Variants in POU6F1 observed in about 807,000 individuals in gnomAD.
POU6F1 encodes the protein POU class 6 homeobox 1.
POU6F1 carries 9 observed loss-of-function variants against 28.9 expected under a neutral mutation model. The ratio of observed to expected loss-of-function variants is 0.31; its 90% CI spans 0.19 to 0.54. The LOEUF is 0.54. Among genes scored for constraint, POU6F1 ranks in the 20% least tolerant of loss-of-function variants. POU6F1 has a pLI of 0.94. For missense variants in POU6F1, 338 were observed against 426.1 expected, an observed-to-expected ratio of 0.79 and a Z score of 1.82; for synonymous variants, 173 against 171.1, an observed-to-expected ratio of 1.01 and a Z score of -0.09.
chr12:51,214,653 T>G, intron 1 of POU6F1, among the ~76,000 whole-genome samples: 1 of 151,020 alleles, frequency 6.6e-6, no homozygotes, highest in Non-Finnish European at 1.5e-5. Flanking sequence ...AATAGGAGAG[T>G]AGAGTCAAGG....
In POU6F1 at chr12:51,190,079, T is replaced by G; in HGVS notation, c.*168A>C. The G allele has an allele frequency of 8.1e-7, 1 of 1,235,032 alleles. No individual in the cohort carries two copies. The highest frequency in any genetic ancestry group is 1.1e-6 in the Non-Finnish European group (1 of 915,342). 76.5% of individuals were successfully genotyped at this position (1,235,032 alleles called of 1,614,324 possible). ...TCTGGCCTCCCCATGATGTGAGATG[T>G]GTGGGAGAAAAGAGGGACATTGATG... is the stretch of plus-strand genomic sequence containing the variant. On this transcript the variant is annotated 3_prime_UTR_variant, in exon 11 of 11. Coordinates refer to ENST00000333640, the MANE Select transcript of POU6F1 (RefSeq NM_001330422.2). The surrounding 1 kb of genome is among the most constrained non-coding windows in gnomAD (Gnocchi z 4.5).
rs1352428003 is a variant in POU6F1 at position 51,189,721 on chromosome 12, C to G, written c.*526G>C. On this transcript the variant is annotated 3_prime_UTR_variant, in exon 11 of 11. Transcript: ENST00000333640. The stretch of plus-strand genomic sequence containing the variant: ...TCACACTTTTTTGAATTTTATCTCC[C>G]AGGTCCTTTCGGTGCACCTGCAGGC... 6.1e-6 allele frequency: 1 copy of G among 163,198 alleles called. No homozygotes were observed. Among genetic ancestry groups the G allele is most frequent in the African/African-American group, 2.4e-5 (1 of 41,604 alleles). 10.1% of individuals were successfully genotyped at this position (163,198 alleles called of 1,614,324 possible).
chr12:51,195,880 A>T, intron 8 of POU6F1, 90 bp downstream of exon 8: 2 of 1,374,570 alleles, frequency 1.5e-6, no homozygotes, highest in Non-Finnish European at 2.0e-6. Context: ...GAGTTTCAGA[A>T]GATGCTGTCC....
intron 1 of POU6F1, among the ~76,000 whole-genome samples, chr12:51,212,408 A>G (rs1462310854): frequency 6.6e-6 from 1 of 151,410 alleles, no homozygotes; most frequent in Non-Finnish European, 1.5e-5. Flanking sequence ...TTGTTTTTTC[A>G]ACGCATGTTT....
chr12:51,214,327 A>C (rs1313721608), intron 1 of POU6F1, among the ~76,000 whole-genome samples: 2 of 152,060 alleles, frequency 1.3e-5, no homozygotes, highest in Admixed American at 1.3e-4. Flanking sequence ...AGGTCAGGTG[A>C]CTTGACCAAG....
At chr12:51,200,851 C>T (rs1020529315) in intron 3 of POU6F1, among the ~76,000 whole-genome samples, 6 of 152,032 alleles carry the variant, frequency 3.9e-5, no homozygotes, top group Non-Finnish European at 7.4e-5. Flanking sequence ...CCACGCCTGG[C>T]TAATTTTTTT....
intron 1 of POU6F1, among the ~76,000 whole-genome samples, chr12:51,210,292 TAGA>T (rs1943905189): frequency 6.6e-6 from 1 of 152,052 alleles, no homozygotes; most frequent in Non-Finnish European, 1.5e-5. Flanking sequence ...TCGTTACACA[TAGA>T]AGCCATTTGC....
At position 51,208,371 on chromosome 12, in the gene POU6F1, T is replaced by C. The variant is rs535956662; in HGVS notation, c.-47-1488A>G. On this transcript the variant is annotated intron_variant, in intron 1 of 10. Coordinates refer to ENST00000333640, the MANE Select transcript of POU6F1 (RefSeq NM_001330422.2). ...GACACTTTTAAAGGAAAAAAAGCAATTGACATTTATTTCGAGTGCATATTG... is the reference window on the plus strand; with the variant it reads ...GACACTTTTAAAGGAAAAAAAGCAACTGACATTTATTTCGAGTGCATATTG... 1.7e-4 allele frequency among the ~76,000 whole-genome samples: 26 copies of C among 152,308 alleles called. No individual in the cohort carries two copies. In the South Asian group the frequency reaches 5.2e-3, roughly 30 times the overall value.
intron 10 of POU6F1, 106 bp downstream of exon 10, chr12:51,191,490 G>T: frequency 1.5e-6 from 2 of 1,333,732 alleles, no homozygotes; most frequent in East Asian, 2.4e-5. Context: ...AAAGGCTGGA[G>T]CAAGGGGGCA....
At position 51,188,044 on chromosome 12, in the gene POU6F1, C is replaced by T. The variant is rs570024767; in HGVS notation, c.*2203G>A. The T allele has an allele frequency of 6.6e-6, 1 of 152,260 alleles. No individual in the cohort carries two copies. Among genetic ancestry groups the T allele is most frequent in the African/African-American group, 2.4e-5 (1 of 41,448 alleles). 9.4% of individuals were successfully genotyped at this position (152,260 alleles called of 1,614,324 possible). On this transcript the variant is annotated 3_prime_UTR_variant, in exon 11 of 11. Coordinates refer to ENST00000333640, the MANE Select transcript of POU6F1 (RefSeq NM_001330422.2). ...CAGGGTTCAAGCAATTCTCCTGCCTCCACCTCCCAAGTAGCTGGGATTACA... is the reference window on the plus strand; with the variant it reads ...CAGGGTTCAAGCAATTCTCCTGCCTTCACCTCCCAAGTAGCTGGGATTACA...
In POU6F1 at chr12:51,195,989, T is replaced by G; in HGVS notation, c.1160A>C (p.Glu387Ala). ...CTGTACCTCACTCTTAGCAGGGGAC[T>G]CAGGTGTGCTTGGCTTCCGGACAGC... The part of the protein sequence containing the change: ...PVAVRKPSTP[E>A]SPAKSEVQPI... The change falls in exon 8 of 11, where the codon GAG becomes GCG. Residue 387 changes from glutamate to alanine, a missense_variant. By Grantham distance (107) the Glu-to-Ala change is moderately radical. Coordinates refer to ENST00000333640, the MANE Select transcript of POU6F1 (RefSeq NM_001330422.2). 2 of 1,270,698 alleles carry G rather than the reference T, an allele frequency of 1.6e-6. No homozygotes were observed. The highest frequency in any genetic ancestry group is 2.1e-6 in the Non-Finnish European group (2 of 961,320). The allele number at this position is 1,270,698 out of a possible 1,614,324, so 78.7% of individuals were successfully genotyped here.
At chr12:51,203,404 T>G (rs1006227153) in intron 3 of POU6F1, among the ~76,000 whole-genome samples, 1 of 152,136 alleles carries the variant, frequency 6.6e-6, no homozygotes, top group Admixed American at 6.5e-5. Flanking sequence ...GCACTGCCCC[T>G]TGGGAACAGG....
At position 51,190,234 on chromosome 12, in the gene POU6F1, CA is replaced by C. The variant is rs748910905; in HGVS notation, c.*12del. The C allele has an allele frequency of 6.2e-7, 1 of 1,613,010 alleles. No individual in the cohort carries two copies. The highest frequency in any genetic ancestry group is 8.5e-7 in the Non-Finnish European group (1 of 1,179,426). On this transcript the variant is annotated 3_prime_UTR_variant, in exon 11 of 11. Transcript: ENST00000333640. This position sits in a 1 kb window ranked among gnomAD's most constrained non-coding sequence, Gnocchi z 4.5. The stretch of plus-strand genomic sequence containing the variant: ...TGGACAAAGTGCTAGAACACAGGGC[CA>C]GGGGCTGAGCCCTAAGGGATCTGAA...
chr12:51,197,963 G>T lies in POU6F1; in HGVS notation c.653C>A (p.Ala218Asp). 1 of 401,752 alleles carries T rather than the reference G, an allele frequency of 2.5e-6. No homozygotes were observed. The highest frequency in any genetic ancestry group is 4.4e-6 in the Non-Finnish European group (1 of 228,060). 24.9% of individuals were successfully genotyped at this position (401,752 alleles called of 1,614,324 possible). The change falls in exon 6 of 11, where the codon GCC becomes GAC. Residue 218 changes from alanine (A) to aspartate (D), a missense_variant. Ala to Asp is a moderately radical substitution (Grantham distance 126). Transcript: ENST00000333640. ...TGGCCGGGGTTGGGCCGTCGAGGAG[G>T]CCTGTACTGGTGCGGCAGCTTGTAC... ...APVQAAAPVQ[A>D]SSTAQPRPPA... is the part of the protein sequence containing the mutation.
rs148068543 is a variant in POU6F1, at chr12:51,210,887, T to C, written c.-47-4004A>G. On this transcript the variant is annotated intron_variant, in intron 1 of 10. Transcript: ENST00000333640. ...ACCTTTAGATGGCTCCTATTACACA[T>C]GTATGTGATATCAACGTCTCTCTGA... Among the ~76,000 whole-genome samples, 295 of 152,342 alleles carry C rather than the reference T, an allele frequency of 1.9e-3. 3 individuals are homozygous for C. Among genetic ancestry groups the C allele is most frequent in the African/African-American group, 6.4e-3 (268 of 41,588 alleles).
chr12:51,216,771 A>C (rs1944305770), intron 1 of POU6F1, among the ~76,000 whole-genome samples: 1 of 152,104 alleles, frequency 6.6e-6, no homozygotes, highest in Non-Finnish European at 1.5e-5. Flanking sequence ...GAGGTTAAAA[A>C]TCTCTGCAAA....
chr12:51,208,110 C>CAA (rs11316062), intron 1 of POU6F1, among the ~76,000 whole-genome samples: 1,704 of 136,454 alleles, frequency 0.012, 36 homozygotes, highest in African/African-American at 0.032. Flanking sequence ...CTGTCTGTAC[C>CAA]AAAAAAAAAA....
intron 9 of POU6F1, 72 bp downstream of exon 9, chr12:51,192,258 C>T (rs1942472384): frequency 6.4e-7 from 1 of 1,559,246 alleles, no homozygotes; most frequent in Admixed American, 1.7e-5. Flanking sequence ...AGGAAAGCAG[C>T]ATCTGAAGAG....
intron 1 of POU6F1, among the ~76,000 whole-genome samples, chr12:51,209,037 C>A (rs1362987261): frequency 6.6e-6 from 1 of 152,226 alleles, no homozygotes; most frequent in African/African-American, 2.4e-5. Context: ...TGATCTTGGA[C>A]TTCCCACCTT....
Sources: gnomAD v4.1 joint callset for allele counts (sites outside exome capture counted in the v4.1 genomes callset) on GRCh38, gnomAD v4.1.1 for gene constraint, Gnocchi (gnomAD v3.1) non-coding constraint, MANE v1.5 for transcripts, NCBI Gene and HGNC (gene_info 2026-07-23, HGNC 2026-07-21) for gene names.